MEGF8: variants seen among roughly 807,000 people sequenced by gnomAD.
MEGF8 encodes multiple epidermal growth factor-like domains protein 8.
A neutral mutation model predicts 302.9 loss-of-function variants in MEGF8; 156 were observed. That is an observed-to-expected ratio of 0.52 (90% CI 0.45 to 0.59). The LOEUF (loss-of-function observed/expected upper bound fraction) is 0.59. Among genes scored for constraint, MEGF8 ranks in the 20% least tolerant of loss-of-function variants. The probability of loss-of-function intolerance (pLI) is 0.00; values close to 1 mark genes in which losing one functional copy is unlikely to be tolerated. For missense variants in MEGF8, 3,345 were observed against 3,964.5 expected (o/e 0.84, Z 4.20); for synonymous variants, 1,621 against 1,660.5 (o/e 0.98, Z 0.58).
chr19:42,373,224 C>G (rs1011781864), intron 41 of MEGF8, among the ~76,000 whole-genome samples: 5 of 151,714 alleles, frequency 3.3e-5, no homozygotes, highest in African/African-American at 9.7e-5. Flanking sequence ...CCCCGAGTAG[C>G]TGGGACTACA....
rs1183686532 is a variant in MEGF8, at chr19:42,358,550, G to A, written c.5176-237G>A. 1.3e-5 allele frequency among the ~76,000 whole-genome samples: 2 copies of A among 152,200 alleles called. No individual in the cohort carries two copies. The highest frequency in any genetic ancestry group is 4.1e-4 in the South Asian group (2 of 4,834). On this transcript the variant is annotated intron_variant, in intron 29 of 41. Coordinates refer to ENST00000251268, the MANE Select transcript of MEGF8 (RefSeq NM_001271938.2). The surrounding 1 kb of genome is among the most constrained non-coding windows in gnomAD (Gnocchi z 4.4). ...TCCCCTGAGTCTTGGTGCGGCCCTG[G>A]CAGGCCCCTTCCCCGTCCTGGGTTT...
Position 42,333,698 on chromosome 19 carries a change from C to T in MEGF8, c.281C>T (p.Pro94Leu), listed in dbSNP as rs570125469. 353 of 1,613,990 alleles carry T rather than the reference C, an allele frequency of 2.2e-4. 3 individuals carry two copies. In the East Asian group the frequency reaches 7.1e-3, roughly 32 times the overall value. Residue 94 changes from proline to leucine, a missense_variant, in exon 2 of 42, where the codon CCG (proline) becomes CTG (leucine). Transcript: ENST00000251268. ...CTGTTCGTGTATGACGGTGACTCCC[C>T]GCGAGGGCCGCTGCTTGCCAGTCTA... ...DYLFVYDGDS[P>L]RGPLLASLSG...
In MEGF8 at chr19:42,356,716, A is replaced by G; in HGVS notation, c.4623-58A>G. On this transcript the variant is annotated intron_variant, in intron 26 of 41. Coordinates refer to ENST00000251268, the MANE Select transcript of MEGF8 (RefSeq NM_001271938.2). This position sits in a 1 kb window ranked among gnomAD's most constrained non-coding sequence, Gnocchi z 5.2. ...GCGGGGACATCTGTCAGGCAGGGTC[A>G]CCTTGAAGGATGCTGGGATGACTGT... 6.7e-7 allele frequency: 1 copy of G among 1,482,232 alleles called. No homozygotes were observed. Among genetic ancestry groups the G allele is most frequent in the Non-Finnish European group, 9.1e-7 (1 of 1,103,414 alleles). The allele number at this position is 1,482,232 out of a possible 1,614,324, so 91.8% of individuals were successfully genotyped here.
intron 35 of MEGF8, among the ~76,000 whole-genome samples, chr19:42,363,568 A>T (rs962667703): frequency 1.4e-4 from 21 of 152,258 alleles, no homozygotes; most frequent in African/African-American, 4.1e-4. Flanking sequence ...CTTTAAAAAA[A>T]TTTTAATTTA....
chr19:42,336,713 C>T lies in MEGF8; in HGVS notation c.1245-94C>T. ...GGACATAGAGTCAGTCATGGCCAGT[C>T]TCATCCCTGGGTGATCACATGGCTC... On this transcript the variant is annotated intron_variant, in intron 6 of 41. Coordinates refer to ENST00000251268, the MANE Select transcript of MEGF8 (RefSeq NM_001271938.2). This position sits in a 1 kb window ranked among gnomAD's most constrained non-coding sequence, Gnocchi z 4.8. 2 of 1,494,754 alleles carry T rather than the reference C, an allele frequency of 1.3e-6. No homozygotes were observed. Among genetic ancestry groups the T allele is most frequent in the Non-Finnish European group, 1.8e-6 (2 of 1,118,600 alleles). 92.6% of individuals were successfully genotyped at this position (1,494,754 alleles called of 1,614,324 possible).
At chr19:42,363,318 C>G (rs1218397541) in intron 35 of MEGF8, 56 bp downstream of exon 35, 1 of 1,441,982 alleles carries the variant, frequency 6.9e-7, no homozygotes, top group Non-Finnish European at 9.5e-7. Context: ...TCTCCCTCCT[C>G]TCTGCGCTGG....
chr19:42,373,706 G>GTTTTTTTTT (rs750576656), intron 41 of MEGF8, among the ~76,000 whole-genome samples: 6 of 100,990 alleles, frequency 5.9e-5, no homozygotes, highest in Admixed American at 1.2e-4. Flanking sequence ...GGGCTTTTGG[G>GTTTTTTTTT]TTTTTTTTTT....
In MEGF8 at chr19:42,353,098, G is replaced by T; in HGVS notation, c.3521G>T (p.Arg1174Leu). The change falls in exon 20 of 42, where the codon CGG (arginine) becomes CTG (leucine). Residue 1174 changes from arginine (R) to leucine (L), a missense_variant. Transcript: ENST00000251268. This position sits in a 1 kb window ranked among gnomAD's most constrained non-coding sequence, Gnocchi z 6.1. ...AGCTTCCACAGCCACTGCCGCAAGC[G>T]GGGCCCTGGCTTCTGCGACGAGTGC... ...GCSFHSHCRK[R>L]GPGFCDECQD... 1 of 1,548,814 alleles carries T rather than the reference G, an allele frequency of 6.5e-7. No individual in the cohort carries two copies. The highest frequency in any genetic ancestry group is 8.7e-7 in the Non-Finnish European group (1 of 1,146,434).
At chr19:42,346,102 G>A (rs1447803356) in intron 12 of MEGF8, among the ~76,000 whole-genome samples, 1 of 152,096 alleles carries the variant, frequency 6.6e-6, no homozygotes, top group Non-Finnish European at 1.5e-5. Flanking sequence ...GGGTTTCACT[G>A]TGTTAGCCAG....
Position 42,326,040 on chromosome 19 carries a change from A to G in MEGF8, c.-204A>G, listed in dbSNP as rs2038979189. On this transcript the variant is annotated 5_prime_UTR_variant, in exon 1 of 42. Transcript: ENST00000251268. ...CATATACAGGGCCTTCCATCGCTCT[A>G]TAGGGCTCAGCCCTCGGCTTCCAGA... is the stretch of plus-strand genomic sequence containing the variant. 18 of 816,788 alleles carry G rather than the reference A, an allele frequency of 2.2e-5. No individual in the cohort carries two copies. Among genetic ancestry groups the G allele is most frequent in the South Asian group, 7.9e-5 (3 of 37,986 alleles). 50.6% of individuals were successfully genotyped at this position (816,788 alleles called of 1,614,324 possible). A position where few individuals can be genotyped will look rare whatever the true frequency, so the allele number is the denominator to read the frequency against.
chr19:42,350,362 G>A lies in MEGF8; in HGVS notation c.2714G>A (p.Arg905Gln). ...CTCTGCCCACTCTGCGAGGAGCATC[G>A]GGACTGCCACGCCTGCACCCAGGTG... ...PTLCPLCEEH[R>Q]DCHACTQDPF... is the part of the protein sequence containing the mutation. Residue 905 changes from arginine (R) to glutamine (Q), a missense_variant, in exon 15 of 42, where the codon CGG (arginine) becomes CAG (glutamine). Physicochemically the swap from Arg to Gln is conservative, Grantham distance 43 (BLOSUM62 1). Coordinates refer to ENST00000251268, the MANE Select transcript of MEGF8 (RefSeq NM_001271938.2). The A allele has an allele frequency of 5.1e-6, 8 of 1,582,584 alleles. No individual in the cohort carries two copies. Among genetic ancestry groups the A allele is most frequent in the Non-Finnish European group, 6.9e-6 (8 of 1,166,166 alleles).
intron 31 of MEGF8, 58 bp downstream of exon 31, chr19:42,359,300 C>T: frequency 6.9e-7 from 1 of 1,457,358 alleles, no homozygotes; most frequent in Non-Finnish European, 9.1e-7. Context: ...AGCCCCATCC[C>T]CATCCTGGGA....
Position 42,351,235 on chromosome 19 carries a change from A to T in MEGF8, c.2756A>T (p.His919Leu). The change falls in exon 16 of 42, where the codon CAT becomes CTT. Residue 919 changes from histidine to leucine, a missense_variant. His to Leu is a moderately conservative substitution (Grantham distance 99, BLOSUM62 -3). Coordinates refer to ENST00000251268, the MANE Select transcript of MEGF8 (RefSeq NM_001271938.2). This position sits in a 1 kb window ranked among gnomAD's most constrained non-coding sequence, Gnocchi z 5.6. ...CCCCAGGACCCCTTCTGTGAGTGGC[A>T]TCAGAGCACCAGCCGCAAAGGGGAC... is the stretch of plus-strand genomic sequence containing the variant. ...ACTQDPFCEW[H>L]QSTSRKGDAA... 1 of 1,563,982 alleles carries T rather than the reference A, an allele frequency of 6.4e-7. No individual in the cohort carries two copies. The highest frequency in any genetic ancestry group is 2.4e-5 in the East Asian group (1 of 42,154).
Position 42,368,380 on chromosome 19 carries a change from C to A in MEGF8, c.6274-75C>A. The stretch of plus-strand genomic sequence containing the variant: ...AAAGAGGGTGTGGTCTGGGAAGATA[C>A]CCAGAATGTGTTTGTTTAAGCTTAT... On this transcript the variant is annotated intron_variant, in intron 35 of 41. Transcript: ENST00000251268. The surrounding 1 kb of genome is among the most constrained non-coding windows in gnomAD (Gnocchi z 4.9). 1.5e-6 allele frequency: 2 copies of A among 1,328,728 alleles called. No homozygotes were observed. The highest frequency in any genetic ancestry group is 2.1e-6 in the Non-Finnish European group (2 of 970,956). 82.3% of individuals were successfully genotyped at this position (1,328,728 alleles called of 1,614,324 possible). A position where few individuals can be genotyped will look rare whatever the true frequency, so the allele number is the denominator to read the frequency against.
At position 42,337,199 on chromosome 19, in the gene MEGF8, C is replaced by A; in HGVS notation, c.1506C>A (p.Thr502=). Residue 502 remains threonine, a synonymous_variant, in exon 8 of 42, where the codon ACC becomes ACA. Coordinates refer to ENST00000251268, the MANE Select transcript of MEGF8 (RefSeq NM_001271938.2). ...VSGAELAPPG[T]PEGRAAPPSG... is the part of the protein sequence containing the mutation. ...GAGCTGAGCTTGCCCCGCCAGGAAC[C>A]CCTGAGGGTGAGTGGTCCCTGTTCT... The A allele has an allele frequency of 3.1e-6, 5 of 1,613,726 alleles. No homozygotes were observed. Among genetic ancestry groups the A allele is most frequent in the Non-Finnish European group, 4.2e-6 (5 of 1,179,884 alleles).
chr19:42,341,265 A>G (rs2039208779), intron 8 of MEGF8, among the ~76,000 whole-genome samples: 1 of 152,022 alleles, frequency 6.6e-6, no homozygotes, highest in Non-Finnish European at 1.5e-5. Flanking sequence ...CCCTGTCTCT[A>G]CTAAAAATAC....
At chr19:42,362,235 G>T in intron 33 of MEGF8, 22 bp downstream of exon 33, 1 of 1,610,016 alleles carries the variant, frequency 6.2e-7, no homozygotes. Flanking sequence ...GGAAGGCAGG[G>T]ATGAGAAGCA....
Position 42,367,614 on chromosome 19 carries a change from G to A in MEGF8, c.6274-841G>A, listed in dbSNP as rs577872628. ...AACCCCACTCCTGATACTCTTTTCT[G>A]TCTCCTTCTGGGAACATTGCCATTG... is the stretch of plus-strand genomic sequence containing the variant. On this transcript the variant is annotated intron_variant, in intron 35 of 41. Coordinates refer to ENST00000251268, the MANE Select transcript of MEGF8 (RefSeq NM_001271938.2). Among the ~76,000 whole-genome samples the A allele has an allele frequency of 3.3e-5, 5 of 152,242 alleles. No individual in the cohort carries two copies. In the South Asian group the frequency reaches 1.0e-3, roughly 32 times the overall value.
intron 35 of MEGF8, among the ~76,000 whole-genome samples, chr19:42,367,266 C>T (rs1488768290): frequency 3.3e-5 from 5 of 150,868 alleles, no homozygotes; most frequent in Admixed American, 6.6e-5. Context: ...CACATTTGTT[C>T]TTTTTCTTGT....
Sources: allele counts gnomAD v4.1 joint callset (sites outside exome capture counted in the v4.1 genomes callset), GRCh38; gene constraint gnomAD v4.1.1; non-coding constraint Gnocchi (gnomAD v3.1); transcripts MANE v1.5; gene names NCBI Gene and HGNC (gene_info 2026-07-23, HGNC 2026-07-21).